The following VAV2 variants were observed in gnomAD, a reference collection of about 807,000 sequenced individuals.
The protein encoded by VAV2 is guanine nucleotide exchange factor VAV2.
A neutral mutation model predicts 132.5 loss-of-function variants in VAV2; 67 were observed. The ratio of observed to expected loss-of-function variants is 0.51; its 90% confidence interval spans 0.42 to 0.62. The LOEUF (loss-of-function observed/expected upper bound fraction) is 0.62, where lower values mean the gene tolerates loss of function less well. VAV2 is among the 20% of genes least tolerant of loss of function. VAV2 has a pLI of 0.00. For synonymous variants in VAV2, 492 were observed against 443.5 expected (o/e 1.11, Z -1.37); for missense variants, 938 against 1,153.6 (o/e 0.81, Z 2.71).
chr9:133,914,777 CGGG>C (rs1840009227), intron 2 of VAV2, among the ~76,000 whole-genome samples: 40 of 936 alleles, frequency 0.043, no homozygotes, highest in South Asian at 0.065. Flanking sequence ...GAGGAGGGGA[CGGG>C]AGGGGAGAGG....
chr9:133,837,179 T>C (rs923550273), intron 3 of VAV2, among the ~76,000 whole-genome samples: 2 of 152,322 alleles, frequency 1.3e-5, no homozygotes, highest in Admixed American at 1.3e-4. Context: ...AGAGCAGCTG[T>C]AGGATAGCAG....
chr9:133,890,377 A>G, intron 2 of VAV2, among the ~76,000 whole-genome samples: 1 of 152,202 alleles, frequency 6.6e-6, no homozygotes, highest in East Asian at 1.9e-4. Flanking sequence ...TCCAGGAGTG[A>G]GCACGGACTG....
chr9:133,806,009 G>A, intron 9 of VAV2, 72 bp downstream of exon 9: 2 of 1,495,278 alleles, frequency 1.3e-6, no homozygotes, highest in Non-Finnish European at 1.8e-6. Flanking sequence ...ACTTACACAA[G>A]AGTTCCACTT....
In VAV2 at chr9:133,770,288, G is replaced by A. The variant is rs1335371681; in HGVS notation, c.2347+90C>T. On this transcript the variant is annotated intron_variant, in intron 27 of 29. Transcript: ENST00000371850. ...CCCCAGGGTGGGACTCCTGGTCTGG[G>A]TCTGTGAGGGCAGGATCTGAGCCCT... 1.6e-5 allele frequency: 25 copies of A among 1,579,840 alleles called. No individual in the cohort carries two copies. The Admixed American group carries it at 4.3e-4, about 27-fold the overall frequency.
chr9:133,957,536 G>C (rs1333452676), intron 1 of VAV2, among the ~76,000 whole-genome samples: 1 of 152,090 alleles, frequency 6.6e-6, no homozygotes, highest in South Asian at 2.1e-4. Context: ...CTGCCTCCCC[G>C]GCTGCAGGGC....
At chr9:133,891,303 G>A (rs1228355335) in intron 2 of VAV2, among the ~76,000 whole-genome samples, 1 of 112,308 alleles carries the variant, frequency 8.9e-6, no homozygotes, top group Non-Finnish European at 1.8e-5. Context: ...GGGAAGGGAT[G>A]GGGGATGGAG....
chr9:133,797,673 G>GGAGCCA (rs748635955), intron 10 of VAV2, 37 bp downstream of exon 10: 23 of 1,588,706 alleles, frequency 1.4e-5, no homozygotes, highest in Non-Finnish European at 1.8e-5. Context: ...CTGCAACCTT[G>GGAGCCA]GAGCCAGGGC....
In VAV2 at chr9:133,954,717, T is replaced by C. The variant is rs564683218; in HGVS notation, c.205-15498A>G. On this transcript the variant is annotated intron_variant, in intron 1 of 29. Transcript: ENST00000371850. ...CGTGTGGGGTGCCCATGCACATACA[T>C]GTGGGGGTGCGCAGGTGCTTAGGGG... is the stretch of plus-strand genomic sequence containing the variant. Among the ~76,000 whole-genome samples the C allele has an allele frequency of 8.5e-5, 13 of 152,262 alleles. No individual in the cohort carries two copies. The East Asian group carries it at 1.7e-3, about 20-fold the overall frequency.
chr9:133,805,321 TA>T (rs1330847122), intron 9 of VAV2, among the ~76,000 whole-genome samples: 1 of 152,144 alleles, frequency 6.6e-6, no homozygotes, highest in Non-Finnish European at 1.5e-5. Context: ...CCAGTGGCTC[TA>T]GTGAGCAGCC....
intron 1 of VAV2, among the ~76,000 whole-genome samples, chr9:133,941,546 A>T (rs1398573764): frequency 6.6e-6 from 1 of 150,478 alleles, no homozygotes; most frequent in Non-Finnish European, 1.5e-5. Context: ...GTTTTTCACG[A>T]CCTGTTAATT....
intron 2 of VAV2, among the ~76,000 whole-genome samples, chr9:133,917,087 CTT>C (rs1390933809): frequency 2.0e-5 from 3 of 152,186 alleles, no homozygotes; most frequent in Non-Finnish European, 4.4e-5. Flanking sequence ...CTGCAAATCT[CTT>C]TGCACAAAAG....
chr9:133,920,233 G>C (rs1049550238), intron 2 of VAV2, among the ~76,000 whole-genome samples: 2 of 152,240 alleles, frequency 1.3e-5, no homozygotes, highest in African/African-American at 4.8e-5. Flanking sequence ...CAAGGGCCAG[G>C]AGAGAGAGTC....
At chr9:133,920,578 C>A (rs768951602) in intron 2 of VAV2, among the ~76,000 whole-genome samples, 7 of 152,280 alleles carry the variant, frequency 4.6e-5, no homozygotes, top group Admixed American at 3.9e-4. Context: ...CTGATACCAG[C>A]AGGGGAGGTG....
chr9:133,880,292 G>A (rs1303608771), intron 2 of VAV2, among the ~76,000 whole-genome samples: 2 of 152,248 alleles, frequency 1.3e-5, no homozygotes, highest in African/African-American at 4.8e-5. Context: ...GAGTGGGCAG[G>A]AAGCAGCTGA....
At chr9:133,880,154 T>A (rs1456197707) in intron 2 of VAV2, among the ~76,000 whole-genome samples, 1 of 152,160 alleles carries the variant, frequency 6.6e-6, no homozygotes, top group Non-Finnish European at 1.5e-5. Flanking sequence ...GGGCTAGGCA[T>A]CCCTCCACCA....
intron 2 of VAV2, among the ~76,000 whole-genome samples, chr9:133,869,461 AT>A (rs1241403401): frequency 6.6e-6 from 1 of 151,970 alleles, no homozygotes; most frequent in Non-Finnish European, 1.5e-5. Context: ...AAAAAAAAAA[AT>A]AACCAGATGT....
intron 2 of VAV2, among the ~76,000 whole-genome samples, chr9:133,901,460 C>T (rs1159109656): frequency 3.9e-5 from 6 of 152,248 alleles, no homozygotes; most frequent in Admixed American, 3.9e-4. Context: ...CCTGTGGTGG[C>T]TCTGACCAGG....
At chr9:133,932,775 G>C (rs1840733544) in intron 2 of VAV2, among the ~76,000 whole-genome samples, 2 of 152,168 alleles carry the variant, frequency 1.3e-5, no homozygotes, top group Admixed American at 1.3e-4. Flanking sequence ...CTGGATGAGA[G>C]GAGGCACCAG....
rs906988829 is a variant in VAV2, at chr9:133,915,823, C to CG, written c.321+23279_321+23280insC. Among the ~76,000 whole-genome samples the CG allele has an allele frequency of 8.6e-4, 24 of 27,944 alleles. 1 individual carries two copies. The East Asian group carries it at 0.023, about 26-fold the overall frequency. 18.3% of individuals were successfully genotyped at this position (27,944 alleles called of 152,430 possible). A position where few individuals can be genotyped will look rare whatever the true frequency, so the allele number is the denominator to read the frequency against. ...CACACGATGCACACATGCACTCACA[C>CG]ACGCACACGTGCACACACAACGCAC... is the stretch of plus-strand genomic sequence containing the variant. On this transcript the variant is annotated intron_variant, in intron 2 of 29. Coordinates refer to ENST00000371850, the MANE Select transcript of VAV2 (RefSeq NM_001134398.2).
Sources: gnomAD v4.1 joint callset for allele counts (sites outside exome capture counted in the v4.1 genomes callset) on GRCh38, gnomAD v4.1.1 for gene constraint, MANE v1.5 for transcripts, NCBI Gene and HGNC (gene_info 2026-07-23, HGNC 2026-07-21) for gene names.